Variants in MYT1L observed in about 807,000 individuals in gnomAD.
The protein encoded by MYT1L is myelin transcription factor 1 like, also known as myelin transcription factor 1-like protein.
MYT1L carries 12 observed loss-of-function variants against 126.7 expected under a neutral mutation model. The observed-to-expected ratio is 0.09, with a 90% CI of 0.06 to 0.15. The LOEUF is 0.15. Ranked by LOEUF, MYT1L falls within the 10% of genes least tolerant of loss-of-function variation. The pLI, the probability that MYT1L is intolerant of heterozygous loss-of-function variation, is 1.00. For synonymous variants in MYT1L, 541 were observed against 604.2 expected, an observed-to-expected ratio of 0.90 and a Z score of 1.53; for missense variants, 979 against 1,585.2, an observed-to-expected ratio of 0.62 and a Z score of 6.49.
chr2:2,015,721 A>C (rs888352215), intron 4 of MYT1L, among the ~76,000 whole-genome samples: 2 of 152,146 alleles, frequency 1.3e-5, no homozygotes, highest in Non-Finnish European at 2.9e-5. Context: ...GGCGGGAGGA[A>C]CTTCCCACCA....
intron 4 of MYT1L, among the ~76,000 whole-genome samples, chr2:2,015,383 C>T (rs2064270156): frequency 6.6e-6 from 1 of 152,164 alleles, no homozygotes. Context: ...TGCCACCGTG[C>T]TCTAAAGATA....
chr2:2,181,539 ATGAGTT>A (rs1383044827), intron 2 of MYT1L, among the ~76,000 whole-genome samples: 1 of 150,554 alleles, frequency 6.6e-6, no homozygotes, highest in Non-Finnish European at 1.5e-5. Flanking sequence ...TAAATGTGCT[ATGAGTT>A]TAACTTAAAG....
intron 9 of MYT1L, among the ~76,000 whole-genome samples, chr2:1,935,415 G>A (rs2055739961): frequency 6.6e-6 from 1 of 152,156 alleles, no homozygotes; most frequent in South Asian, 2.1e-4. Flanking sequence ...TACTTGCTGC[G>A]TGTGGGGAGG....
intron 1 of MYT1L, among the ~76,000 whole-genome samples, chr2:2,299,172 G>A (rs2095746068): frequency 6.6e-6 from 1 of 152,174 alleles, no homozygotes; most frequent in South Asian, 2.1e-4. Context: ...TTATTAAACA[G>A]GGGCATGACT....
intron 8 of MYT1L, among the ~76,000 whole-genome samples, chr2:1,972,617 C>A (rs1019969895): frequency 2.0e-5 from 3 of 152,212 alleles, no homozygotes; most frequent in Non-Finnish European, 4.4e-5. Flanking sequence ...AATACAGCCC[C>A]TAGGCTGTTG....
chr2:1,936,631 C>T (rs991236821), intron 9 of MYT1L, among the ~76,000 whole-genome samples: 7 of 152,154 alleles, frequency 4.6e-5, no homozygotes, highest in African/African-American at 1.7e-4. Context: ...GCCTTTTCTG[C>T]TGACTGCAGT....
intron 3 of MYT1L, among the ~76,000 whole-genome samples, chr2:2,108,265 G>A (rs1416244549): frequency 3.9e-5 from 6 of 152,204 alleles, no homozygotes; most frequent in Non-Finnish European, 7.3e-5. Flanking sequence ...AGACGGAGCT[G>A]TGGCCACACT....
At chr2:2,318,517 A>G (rs2096107762) in intron 1 of MYT1L, among the ~76,000 whole-genome samples, 1 of 152,198 alleles carries the variant, frequency 6.6e-6, no homozygotes, top group African/African-American at 2.4e-5. Context: ...CTTAGGAAAA[A>G]GGATTGTTTT....
At chr2:2,291,054 G>T (rs1258988222) in intron 1 of MYT1L, among the ~76,000 whole-genome samples, 2 of 149,652 alleles carry the variant, frequency 1.3e-5, no homozygotes, top group Admixed American at 6.6e-5. Context: ...TAAGGGAAAG[G>T]CTAGGTAAAA....
At position 2,078,755 on chromosome 2, in the gene MYT1L, C is replaced by A. The variant is rs553994186; in HGVS notation, c.-303-24632G>T. On this transcript the variant is annotated intron_variant, in intron 3 of 24. Transcript: ENST00000647738. ...ACTGGAGACATCAATATCCCACATT[C>A]CTTAATAGATAAAGCTATCAGAACT... is the stretch of plus-strand genomic sequence containing the variant. 3.9e-5 allele frequency among the ~76,000 whole-genome samples: 6 copies of A among 152,296 alleles called. No homozygotes were observed. In the East Asian group the frequency reaches 1.2e-3, roughly 29 times the overall value.
chr2:2,110,588 C>G (rs919644220), intron 3 of MYT1L, among the ~76,000 whole-genome samples: 1 of 141,388 alleles, frequency 7.1e-6, no homozygotes, highest in Admixed American at 7.0e-5. Flanking sequence ...CCTTCTCTTC[C>G]TCCCTCCCTC....
chr2:1,815,190 G>A (rs1405981861), intron 21 of MYT1L, among the ~76,000 whole-genome samples: 1 of 152,204 alleles, frequency 6.6e-6, no homozygotes, highest in Non-Finnish European at 1.5e-5. Context: ...GGCCGCCACA[G>A]GCCTGGCTCT....
chr2:1,964,079 C>T (rs1477577454), intron 8 of MYT1L, among the ~76,000 whole-genome samples: 1 of 152,194 alleles, frequency 6.6e-6, no homozygotes, highest in African/African-American at 2.4e-5. Flanking sequence ...CTTCTCTTCA[C>T]TTGAACACTT....
intron 3 of MYT1L, among the ~76,000 whole-genome samples, chr2:2,151,267 T>C (rs553931499): frequency 6.6e-6 from 1 of 152,158 alleles, no homozygotes; most frequent in Admixed American, 6.5e-5. Flanking sequence ...GAAGAGACCA[T>C]TGCTTTTATG....
At chr2:2,043,978 G>GT (rs1462797048) in intron 4 of MYT1L, among the ~76,000 whole-genome samples, 3 of 151,730 alleles carry the variant, frequency 2.0e-5, no homozygotes, top group Admixed American at 1.3e-4. Flanking sequence ...ACAGACATTT[G>GT]TTTTTTGAAA....
intron 2 of MYT1L, among the ~76,000 whole-genome samples, chr2:2,277,950 C>A (rs17039505): frequency 6.6e-6 from 1 of 152,068 alleles, no homozygotes; most frequent in African/African-American, 2.4e-5. Context: ...TCCAATGTTA[C>A]GAGTGACAGA....
chr2:2,271,427 C>G (rs2095261217), intron 2 of MYT1L, among the ~76,000 whole-genome samples: 1 of 152,156 alleles, frequency 6.6e-6, no homozygotes, highest in South Asian at 2.1e-4. Context: ...AGCTCCCACC[C>G]CATTCGAATG....
intron 2 of MYT1L, among the ~76,000 whole-genome samples, chr2:2,176,068 T>C (rs141691018): frequency 6.3e-4 from 96 of 152,348 alleles, no homozygotes; most frequent in African/African-American, 2.3e-3. Flanking sequence ...AGCCTTTGCA[T>C]TAGGCTGTGC....
intron 1 of MYT1L, among the ~76,000 whole-genome samples, chr2:2,292,424 G>C (rs530384526): frequency 8.9e-4 from 136 of 152,332 alleles, no homozygotes; most frequent in African/African-American, 3.2e-3. Context: ...GAACTGTTGG[G>C]AAAATTCCCC....
Sources: allele counts gnomAD v4.1 joint callset (sites outside exome capture counted in the v4.1 genomes callset), GRCh38; gene constraint gnomAD v4.1.1; transcripts MANE v1.5; gene names NCBI Gene and HGNC (gene_info 2026-07-23, HGNC 2026-07-21).